Variants in SNX9 observed in about 807,000 individuals in gnomAD.
SNX9 encodes sorting nexin-9.
In SNX9, 44 loss-of-function variants were observed where a neutral mutation model predicts 89.4. The ratio of observed to expected loss-of-function variants is 0.49; its 90% CI spans 0.39 to 0.63. The LOEUF is 0.63. SNX9 is among the 30% of genes least tolerant of loss of function. The pLI is 0.00. For synonymous variants in SNX9, 236 were observed against 247.8 expected, an observed-to-expected ratio of 0.95 and a Z score of 0.45; for missense variants, 578 against 736.1, an observed-to-expected ratio of 0.79 and a Z score of 2.49.
chr6:157,939,967 G>A lies in SNX9; in HGVS notation c.1649-916G>A, dbSNP rs114124491. Reference sequence around the variant, plus strand: ...GACTCCTCTAGAGTTGGGGGCAGGGGCAGGGGGGACAGAGAAAGAAGGAAT... The same window carrying A: ...GACTCCTCTAGAGTTGGGGGCAGGGACAGGGGGGACAGAGAAAGAAGGAAT... On this transcript the variant is annotated intron_variant, in intron 16 of 17. Transcript: ENST00000392185. Among the ~76,000 whole-genome samples the A allele has an allele frequency of 3.8e-3, 585 of 152,082 alleles. 3 individuals carry two copies. Among genetic ancestry groups the A allele is most frequent in the African/African-American group, 0.014 (564 of 41,446 alleles).
At chr6:157,832,299 C>T (rs2281996) in intron 1 of SNX9, among the ~76,000 whole-genome samples, 9,554 of 152,276 alleles carry the variant, frequency 0.063, 327 homozygotes, top group East Asian at 0.11. Context: ...TGTTGCCTAT[C>T]ACCCGTTGTC....
chr6:157,909,655 A>AT lies in SNX9; in HGVS notation c.706-8dup, dbSNP rs773874084. The AT allele has an allele frequency of 5.6e-6, 9 of 1,609,580 alleles. No individual in the cohort carries two copies. Among genetic ancestry groups the AT allele is most frequent in the Non-Finnish European group, 1.7e-6 (2 of 1,178,812 alleles). ...TAACAAAATTACTTCTTTCTGGAAC[A>AT]TTGGCATAGGTTGGAGATTATGGCC... On this transcript the variant is annotated splice_polypyrimidine_tract_variant and intron_variant, in intron 7 of 17. Transcript: ENST00000392185.
At chr6:157,860,665 T>C (rs909151012) in intron 1 of SNX9, among the ~76,000 whole-genome samples, 3 of 152,220 alleles carry the variant, frequency 2.0e-5, no homozygotes, top group African/African-American at 7.2e-5. Flanking sequence ...ACTCTTAAAA[T>C]CATCCCAATC....
chr6:157,924,351 C>G (rs775573721), intron 10 of SNX9: 4 of 152,104 alleles, frequency 2.6e-5, no homozygotes, highest in Non-Finnish European at 5.9e-5. Flanking sequence ...TTTCCCTTGG[C>G]CACATGTGCT....
chr6:157,844,583 C>G (rs903438016), intron 1 of SNX9, among the ~76,000 whole-genome samples: 1 of 142,014 alleles, frequency 7.0e-6, no homozygotes, highest in Non-Finnish European at 1.5e-5. Context: ...TGTGGCTAAT[C>G]CTTGTTTTTT....
At position 157,875,191 on chromosome 6, in the gene SNX9, C is replaced by T. The variant is rs1782494780; in HGVS notation, c.300+15C>T. ...ACAATCACCAGGTACGTCTCACTTC[C>T]TCCTTCTGGATGTGGCTGGCTTTAC... is the stretch of plus-strand genomic sequence containing the variant. On this transcript the variant is annotated intron_variant, in intron 4 of 17. Coordinates refer to ENST00000392185, the MANE Select transcript of SNX9 (RefSeq NM_016224.5). 6.2e-7 allele frequency: 1 copy of T among 1,601,698 alleles called. No homozygotes were observed. The highest frequency in any genetic ancestry group is 1.3e-5 in the African/African-American group (1 of 74,608).
At chr6:157,915,652 TATATAC>T (rs1401193643) in intron 9 of SNX9, among the ~76,000 whole-genome samples, 4 of 118,050 alleles carry the variant, frequency 3.4e-5, no homozygotes, top group South Asian at 2.8e-4. Context: ...TATATATATA[TATATAC>T]ACACACACAC....
chr6:157,867,752 A>T (rs555570637), intron 2 of SNX9, 119 bp downstream of exon 2: 7 of 842,218 alleles, frequency 8.3e-6, no homozygotes, highest in African/African-American at 5.2e-5. Context: ...TTAAGATTTT[A>T]TTTTTTTGTA....
chr6:157,932,191 T>G lies in SNX9; in HGVS notation c.1289-4T>G. On this transcript the variant is annotated splice_polypyrimidine_tract_variant and splice_region_variant and intron_variant, in intron 12 of 17. Coordinates refer to ENST00000392185, the MANE Select transcript of SNX9 (RefSeq NM_016224.5). ...CTAATCGTTTATTCCTTTTTGTCTT[T>G]CAGCATTACCCAAGGAATATCAGAA... 6.2e-7 allele frequency: 1 copy of G among 1,613,930 alleles called. No individual in the cohort carries two copies. The highest frequency in any genetic ancestry group is 1.6e-4 in the Middle Eastern group (1 of 6,062).
chr6:157,864,305 G>A (rs951733436), intron 1 of SNX9, among the ~76,000 whole-genome samples: 2 of 152,040 alleles, frequency 1.3e-5, no homozygotes, highest in Non-Finnish European at 2.9e-5. Flanking sequence ...TGACCTAAAC[G>A]CCCCCCATTT....
At position 157,823,433 on chromosome 6, in the gene SNX9, C is replaced by T. The variant is rs1299431254; in HGVS notation, c.-2C>T. The T allele has an allele frequency of 1.6e-6, 2 of 1,245,282 alleles. No homozygotes were observed. The allele number at this position is 1,245,282 out of a possible 1,614,324, so 77.1% of individuals were successfully genotyped here. A position where few individuals can be genotyped will look rare whatever the true frequency, so the allele number is the denominator to read the frequency against. On this transcript the variant is annotated 5_prime_UTR_variant, in exon 1 of 18. Coordinates refer to ENST00000392185, the MANE Select transcript of SNX9 (RefSeq NM_016224.5). This position sits in a 1 kb window ranked among gnomAD's most constrained non-coding sequence, Gnocchi z 4.6. ...CGTCCCGGGCCGGGGGACCCGCCCGCCATGGCCACCAAGGTGAGGGGCGCG... is the reference window on the plus strand; with the variant it reads ...CGTCCCGGGCCGGGGGACCCGCCCGTCATGGCCACCAAGGTGAGGGGCGCG...
At chr6:157,888,028 G>C (rs1436915196) in intron 4 of SNX9, among the ~76,000 whole-genome samples, 1 of 152,140 alleles carries the variant, frequency 6.6e-6, no homozygotes, top group African/African-American at 2.4e-5. Context: ...TTGTAGGCCA[G>C]TTAGACCCTA....
intron 9 of SNX9, among the ~76,000 whole-genome samples, chr6:157,911,942 G>A (rs531500702): frequency 4.6e-5 from 7 of 152,264 alleles, no homozygotes; most frequent in African/African-American, 1.7e-4. Context: ...CCAGTCCCCT[G>A]GGTGACACTT....
intron 2 of SNX9, among the ~76,000 whole-genome samples, chr6:157,870,233 C>A (rs1177838799): frequency 1.3e-5 from 2 of 151,490 alleles, no homozygotes; most frequent in East Asian, 2.0e-4. Flanking sequence ...CACACACATC[C>A]CCTCAGACAC....
intron 1 of SNX9, among the ~76,000 whole-genome samples, chr6:157,837,198 G>C (rs1269382258): frequency 3.3e-5 from 5 of 152,214 alleles, no homozygotes; most frequent in African/African-American, 1.2e-4. Context: ...AGTGTTGTCA[G>C]TAACTTTTCA....
chr6:157,919,237 A>G (rs902246749), intron 9 of SNX9, among the ~76,000 whole-genome samples: 3 of 152,252 alleles, frequency 2.0e-5, no homozygotes, highest in Non-Finnish European at 4.4e-5. Flanking sequence ...TCAGAAAGCA[A>G]GTCAGCTGTT....
At chr6:157,840,917 T>TG (rs1781690929) in intron 1 of SNX9, among the ~76,000 whole-genome samples, 2 of 152,204 alleles carry the variant, frequency 1.3e-5, no homozygotes, top group Admixed American at 1.3e-4. Flanking sequence ...TTCACTCGAC[T>TG]GGTGGCCACA....
intron 4 of SNX9, among the ~76,000 whole-genome samples, chr6:157,876,317 T>G (rs548236860): frequency 1.3e-5 from 2 of 152,102 alleles, no homozygotes; most frequent in African/African-American, 4.8e-5. Context: ...CTAGGTGTGG[T>G]GGCAGGCACC....
intron 6 of SNX9, among the ~76,000 whole-genome samples, chr6:157,905,395 A>C (rs1370785801): frequency 6.6e-6 from 1 of 152,178 alleles, no homozygotes; most frequent in Non-Finnish European, 1.5e-5. Flanking sequence ...TCTAAAACCC[A>C]AATTAATCTT....
Sources: gnomAD v4.1 joint callset for allele counts (sites outside exome capture counted in the v4.1 genomes callset) on GRCh38, gnomAD v4.1.1 for gene constraint, Gnocchi (gnomAD v3.1) non-coding constraint, MANE v1.5 for transcripts, NCBI Gene and HGNC (gene_info 2026-07-23, HGNC 2026-07-21) for gene names.